CD55: variants seen among roughly 807,000 people sequenced by gnomAD.
CD55 encodes the protein complement decay-accelerating factor.
CD55 carries 41 observed loss-of-function variants against 45.8 expected under a neutral mutation model. The ratio of observed to expected loss-of-function variants is 0.90; its 90% CI spans 0.70 to 1.16. CD55 has a LOEUF of 1.16. CD55 is among the 50% of genes most tolerant of loss of function. The pLI is 0.00. For missense variants in CD55, 416 were observed against 469.8 expected, an observed-to-expected ratio of 0.89 and a Z score of 1.06; for synonymous variants, 181 against 181.1, an observed-to-expected ratio of 1.00 and a Z score of 0.01.
intron 1 of CD55, 72 bp from the exon 2 acceptor site, chr1:207,322,310 T>A (rs760411921): frequency 1.8e-5 from 23 of 1,255,118 alleles, no homozygotes; most frequent in South Asian, 4.8e-5. Context: ...TCAAGGGGGC[T>A]TGTGTCTTGA....
In CD55 at chr1:207,331,198, C is replaced by T. The variant is rs765473365; in HGVS notation, c.755C>T (p.Ala252Val). The change falls in exon 6 of 10, where the codon GCA becomes GTA. Residue 252 changes from alanine to valine, a missense_variant. Transcript: ENST00000367064. ...HYGYRQSVTY[A>V]CNKGFTMIGE... ...GGATATAGACAGTCTGTAACGTATG[C>T]ATGTAATAAAGGATTCACCATGATT... 1.9e-6 allele frequency: 3 copies of T among 1,612,366 alleles called. No individual in the cohort carries two copies. The highest frequency in any genetic ancestry group is 1.1e-5 in the South Asian group (1 of 91,020).
rs1432885126 is a variant in CD55 at position 207,340,601 on chromosome 1, G to T, written c.1081+1184G>T. 3 of 685,452 alleles carry T rather than the reference G, an allele frequency of 4.4e-6. No individual in the cohort carries two copies. The African/African-American group carries it at 5.4e-5, about 12-fold the overall frequency. 42.5% of individuals were successfully genotyped at this position (685,452 alleles called of 1,614,324 possible). A position where few individuals can be genotyped will look rare whatever the true frequency, so the allele number is the denominator to read the frequency against. ...TGCCCAGGCTGGTTTCAAACTCCTGGCCGTAAGCGATTTTTCCGGCCTCCC... is the reference window on the plus strand; with the variant it reads ...TGCCCAGGCTGGTTTCAAACTCCTGTCCGTAAGCGATTTTTCCGGCCTCCC... On this transcript the variant is annotated intron_variant, in intron 9 of 9. Coordinates refer to ENST00000367064, the MANE Select transcript of CD55 (RefSeq NM_000574.5).
Position 207,340,373 on chromosome 1 carries a change from A to T in CD55, c.1081+956A>T, listed in dbSNP as rs573425984. Reference sequence around the variant, plus strand: ...TCTTTCTTTTCTTTTTTTTATTTTTATTTTTTTTTTGAGACAGGTTCTCGT... The same window carrying T: ...TCTTTCTTTTCTTTTTTTTATTTTTTTTTTTTTTTTGAGACAGGTTCTCGT... On this transcript the variant is annotated intron_variant, in intron 9 of 9. Transcript: ENST00000367064. The T allele has an allele frequency of 4.0e-4, 159 of 401,610 alleles. No homozygotes were observed. Among genetic ancestry groups the T allele is most frequent in the Admixed American group, 1.8e-3 (40 of 21,744 alleles). 24.9% of individuals were successfully genotyped at this position (401,610 alleles called of 1,614,324 possible).
chr1:207,333,943 AG>A (rs1558148191), intron 6 of CD55, among the ~76,000 whole-genome samples: 1 of 152,134 alleles, frequency 6.6e-6, no homozygotes, highest in Non-Finnish European at 1.5e-5. Flanking sequence ...AAAAAGGAAG[AG>A]GGGAAGGAGG....
intron 9 of CD55, among the ~76,000 whole-genome samples, chr1:207,346,837 A>G (rs148218293): frequency 6.6e-6 from 1 of 152,304 alleles, no homozygotes; most frequent in Non-Finnish European, 1.5e-5. Flanking sequence ...GAGTAATGCC[A>G]TCACACTGTC....
chr1:207,353,507 G>C (rs1209422651), intron 9 of CD55, among the ~76,000 whole-genome samples: 1 of 152,066 alleles, frequency 6.6e-6, no homozygotes, highest in Non-Finnish European at 1.5e-5. Flanking sequence ...TGACTCTTAA[G>C]TAGCTATTTG....
chr1:207,331,859 A>G (rs924495560), intron 6 of CD55, among the ~76,000 whole-genome samples: 1 of 152,162 alleles, frequency 6.6e-6, no homozygotes, highest in African/African-American at 2.4e-5. Flanking sequence ...TGCTTTTTAA[A>G]TATATTTTAA....
intron 6 of CD55, 24 bp downstream of exon 6, chr1:207,331,320 T>G: frequency 6.3e-7 from 1 of 1,593,656 alleles, no homozygotes; most frequent in Non-Finnish European, 8.6e-7. Flanking sequence ...ATAGTTATAT[T>G]TTTGCTTTAT....
intron 9 of CD55, among the ~76,000 whole-genome samples, chr1:207,345,516 C>G (rs1299631189): frequency 6.6e-6 from 1 of 151,838 alleles, no homozygotes. Context: ...AAGTTTGTAT[C>G]TCACCTCCCT....
chr1:207,354,102 A>G, intron 9 of CD55: 1 of 1,526,080 alleles, frequency 6.6e-7, no homozygotes, highest in Non-Finnish European at 8.8e-7. Flanking sequence ...TCTTGGAGGT[A>G]GGTAGATAGA....
chr1:207,353,015 C>T (rs1373454555), intron 9 of CD55, among the ~76,000 whole-genome samples: 2 of 143,236 alleles, frequency 1.4e-5, no homozygotes, highest in East Asian at 2.0e-4. Flanking sequence ...AAATAGAGGC[C>T]GATGACTAGT....
intron 9 of CD55, among the ~76,000 whole-genome samples, chr1:207,355,824 T>C (rs1266164420): frequency 6.6e-6 from 1 of 152,228 alleles, no homozygotes; most frequent in Non-Finnish European, 1.5e-5. Flanking sequence ...CATATTTGAA[T>C]GCTCAACGAT....
chr1:207,322,245 G>A (rs763606292), intron 1 of CD55, 137 bp from the exon 2 acceptor site: 4 of 789,210 alleles, frequency 5.1e-6, no homozygotes, highest in East Asian at 2.5e-5. Flanking sequence ...GAGTCCAGCC[G>A]TGTGGAGCAC....
rs747673434 is a variant in CD55, at chr1:207,322,492, A to G, written c.211A>G (p.Lys71Glu). The G allele has an allele frequency of 3.1e-6, 5 of 1,614,152 alleles. No individual in the cohort carries two copies. In the Admixed American group the frequency reaches 6.7e-5, roughly 22 times the overall value. ...GTACAAATGTGAAGAAAGCTTTGTG[A>G]AAATTCCTGGCGAGAAGGACTCAGT... ...ITYKCEESFV[K>E]IPGEKDSVIC... Residue 71 changes from lysine to glutamate, a missense_variant, in exon 2 of 10, where the codon AAA becomes GAA. Lys to Glu is a moderately conservative substitution (Grantham distance 56). Around this residue, in one of 3 missense-constraint regions of CD55, gnomAD observed 123 missense variants for 105.1 expected, o/e 1.17. Coordinates refer to ENST00000367064, the MANE Select transcript of CD55 (RefSeq NM_000574.5).
Position 207,337,329 on chromosome 1 carries a change from C to A in CD55, c.980C>A (p.Ala327Glu). ...AGATTCCCTTCTGCTCATATTACAGCAACACGGAGTACACCTGTTTCCAGG... is the reference window on the plus strand; with the variant it reads ...AGATTCCCTTCTGCTCATATTACAGAAACACGGAGTACACCTGTTTCCAGG... ...TTKTTTPNAQ[A>E]TRSTPVSRTT... Residue 327 changes from alanine (A) to glutamate (E), a missense_variant and splice_region_variant, in exon 8 of 10, where the codon GCA becomes GAA. This residue lies in a region of CD55 where 182 missense variants were observed against 201.4 expected (regional missense o/e 0.90). Transcript: ENST00000367064. The A allele has an allele frequency of 6.3e-7, 1 of 1,597,314 alleles. No homozygotes were observed. Among genetic ancestry groups the A allele is most frequent in the Non-Finnish European group, 8.6e-7 (1 of 1,164,926 alleles).
At chr1:207,322,232 A>G (rs1654447913) in intron 1 of CD55, 150 bp from the exon 2 acceptor site, 3 of 762,504 alleles carry the variant, frequency 3.9e-6, no homozygotes, top group Non-Finnish European at 7.1e-6. Context: ...CCCACTCTCG[A>G]CAGAGTCCAG....
chr1:207,326,748 T>C lies in CD55; in HGVS notation c.579-4T>C. On this transcript the variant is annotated splice_polypyrimidine_tract_variant and splice_region_variant and intron_variant, in intron 4 of 9. Coordinates refer to ENST00000367064, the MANE Select transcript of CD55 (RefSeq NM_000574.5). ...AACTCTTTTTTCTTCCCCTGTTGCTTTAGGTACAAATTATTTGGCTCGACT... is the reference window on the plus strand; with the variant it reads ...AACTCTTTTTTCTTCCCCTGTTGCTCTAGGTACAAATTATTTGGCTCGACT... 8 of 1,611,394 alleles carry C rather than the reference T, an allele frequency of 5.0e-6. No homozygotes were observed. The highest frequency in any genetic ancestry group is 6.8e-6 in the Non-Finnish European group (8 of 1,177,614).
Position 207,336,675 on chromosome 1 carries a change from C to CAAGGA in CD55, c.854-16_854-15insGGAAA. On this transcript the variant is annotated splice_polypyrimidine_tract_variant and intron_variant, in intron 6 of 9. Coordinates refer to ENST00000367064, the MANE Select transcript of CD55 (RefSeq NM_000574.5). ...AGCAATATTTAGCTAACTTGTTTCT[C>CAAGGA]AACCTTTTCTTTCACAGGAAAATCT... 6.2e-7 allele frequency: 1 copy of CAAGGA among 1,612,602 alleles called. No individual in the cohort carries two copies. The highest frequency in any genetic ancestry group is 1.1e-5 in the South Asian group (1 of 90,944).
intron 9 of CD55, among the ~76,000 whole-genome samples, chr1:207,348,011 A>G (rs891360870): frequency 6.6e-6 from 1 of 152,062 alleles, no homozygotes; most frequent in Non-Finnish European, 1.5e-5. Flanking sequence ...ATTCCATGTT[A>G]TTGTGAAAAG....
Sources: allele counts gnomAD v4.1 joint callset (sites outside exome capture counted in the v4.1 genomes callset), GRCh38; gene constraint gnomAD v4.1.1; regional missense constraint gnomAD v4.1.1; transcripts MANE v1.5; gene names NCBI Gene and HGNC (gene_info 2026-07-23, HGNC 2026-07-21).